Variants in DPY19L1 observed in about 807,000 individuals in gnomAD.
DPY19L1 encodes protein C-mannosyl-transferase DPY19L1.
A neutral mutation model predicts 96.9 loss-of-function variants in DPY19L1; 35 were observed. That is an observed-to-expected ratio of 0.36 (90% CI 0.28 to 0.48). The LOEUF is 0.48. DPY19L1 is among the 20% of genes least tolerant of loss of function. The pLI is 0.99. For missense variants in DPY19L1, 521 were observed against 777.9 expected, an observed-to-expected ratio of 0.67 and a Z score of 3.93; for synonymous variants, 205 against 252.6, an observed-to-expected ratio of 0.81 and a Z score of 1.79.
chr7:35,005,501 A>G (rs937708767), intron 6 of DPY19L1, among the ~76,000 whole-genome samples: 17 of 151,656 alleles, frequency 1.1e-4, no homozygotes, highest in Non-Finnish European at 2.5e-4. Flanking sequence ...GGGAAGTCCA[A>G]TTAAAAAGTT....
At chr7:35,007,209 T>A (rs1384609007) in intron 6 of DPY19L1, among the ~76,000 whole-genome samples, 6 of 152,284 alleles carry the variant, frequency 3.9e-5, no homozygotes, top group African/African-American at 1.4e-4. Flanking sequence ...ATAATATACA[T>A]CAGGATCAAT....
At chr7:34,960,120 A>G (rs1460515413) in intron 10 of DPY19L1, among the ~76,000 whole-genome samples, 3 of 151,352 alleles carry the variant, frequency 2.0e-5, no homozygotes. Flanking sequence ...AGGCACTAAA[A>G]ATAAAATAAT....
intron 6 of DPY19L1, among the ~76,000 whole-genome samples, chr7:35,005,629 T>G (rs1216327609): frequency 1.6e-5 from 2 of 123,232 alleles, no homozygotes; most frequent in African/African-American, 3.1e-5. Flanking sequence ...TAAAACCCTG[T>G]CTCTACTAAA....
chr7:34,997,112 G>C (rs931831287), intron 6 of DPY19L1, among the ~76,000 whole-genome samples: 1 of 152,160 alleles, frequency 6.6e-6, no homozygotes, highest in African/African-American at 2.4e-5. Context: ...AGTGTCATTT[G>C]CTGAGAGAGT....
In DPY19L1 at chr7:34,988,730, T is replaced by C. The variant is rs537281282; in HGVS notation, c.822+1154A>G. 1.6e-4 allele frequency among the ~76,000 whole-genome samples: 25 copies of C among 152,294 alleles called. No homozygotes were observed. The South Asian group carries it at 3.5e-3, about 21-fold the overall frequency. On this transcript the variant is annotated intron_variant, in intron 7 of 21. Transcript: ENST00000638088. ...CACAAAGCAAGCTGACCTTTATTCT[T>C]TTCTCCCTCATACAAAATTTATCAT...
intron 10 of DPY19L1, among the ~76,000 whole-genome samples, chr7:34,963,624 T>C (rs202123375): frequency 6.6e-5 from 10 of 152,010 alleles, no homozygotes; most frequent in East Asian, 1.9e-4. Flanking sequence ...TGTGTGTGTG[T>C]GCGTGTGTGC....
chr7:34,971,771 A>G (rs1356000400), intron 8 of DPY19L1, among the ~76,000 whole-genome samples: 1 of 152,196 alleles, frequency 6.6e-6, no homozygotes, highest in African/African-American at 2.4e-5. Flanking sequence ...ACCCAACAGA[A>G]GGCAGCTCTT....
At chr7:34,994,271 T>TCCCCC (rs1411549460) in intron 6 of DPY19L1, among the ~76,000 whole-genome samples, 5 of 152,110 alleles carry the variant, frequency 3.3e-5, no homozygotes, top group African/African-American at 1.2e-4. Context: ...ATACAGAGAT[T>TCCCCC]ACACATCATT....
chr7:34,996,901 G>A (rs1190316477), intron 6 of DPY19L1, among the ~76,000 whole-genome samples: 3 of 152,178 alleles, frequency 2.0e-5, no homozygotes, highest in African/African-American at 7.2e-5. Context: ...CAGCCTGGGA[G>A]CAAGACTGGT....
intron 6 of DPY19L1, among the ~76,000 whole-genome samples, chr7:35,006,265 A>C (rs180862558): frequency 1.3e-5 from 2 of 152,334 alleles, no homozygotes; most frequent in Non-Finnish European, 2.9e-5. Context: ...CTTCCTCAAC[A>C]ATGCACCATA....
intron 3 of DPY19L1, among the ~76,000 whole-genome samples, chr7:35,017,321 G>C (rs183318333): frequency 6.6e-6 from 1 of 150,950 alleles, no homozygotes; most frequent in Non-Finnish European, 1.5e-5. Context: ...GTGAAACCCC[G>C]TCTCTACTAA....
intron 7 of DPY19L1, among the ~76,000 whole-genome samples, chr7:34,987,224 A>T (rs1486028814): frequency 6.6e-6 from 1 of 152,052 alleles, no homozygotes; most frequent in East Asian, 1.9e-4. Flanking sequence ...AAAATTCTCA[A>T]TTGTGACTGA....
At chr7:35,037,777 G>T, upstream of DPY19L1, 1 of 1,172,986 alleles carries the variant, frequency 8.5e-7, no homozygotes, top group Non-Finnish European at 1.1e-6. Flanking sequence ...GACTTCCGGC[G>T]CAGGCGGGGC....
At chr7:35,033,629 C>G (rs1477635665) in intron 1 of DPY19L1, among the ~76,000 whole-genome samples, 1 of 152,070 alleles carries the variant, frequency 6.6e-6, no homozygotes, top group Non-Finnish European at 1.5e-5. Flanking sequence ...GATTCAAATG[C>G]AGGCCAGTGT....
chr7:35,009,716 T>C (rs1377108903), intron 6 of DPY19L1, among the ~76,000 whole-genome samples: 1 of 152,122 alleles, frequency 6.6e-6, no homozygotes, highest in African/African-American at 2.4e-5. Context: ...AAGACCCAAA[T>C]GCTCTAAGGT....
chr7:35,026,578 C>A (rs1372266352), intron 1 of DPY19L1, among the ~76,000 whole-genome samples: 1 of 152,146 alleles, frequency 6.6e-6, no homozygotes, highest in African/African-American at 2.4e-5. Context: ...TGACTTTATA[C>A]AGTCCAAACT....
At chr7:35,004,295 T>G (rs1370961053) in intron 6 of DPY19L1, among the ~76,000 whole-genome samples, 1 of 152,186 alleles carries the variant, frequency 6.6e-6, no homozygotes, top group Non-Finnish European at 1.5e-5. Context: ...TCTCTTCTTC[T>G]GGGAACTTTC....
upstream of DPY19L1, chr7:35,037,941 G>T (rs1287561723): frequency 8.2e-6 from 10 of 1,220,540 alleles, no homozygotes; most frequent in Non-Finnish European, 1.0e-5. Flanking sequence ...CGGGATCGGG[G>T]CGCTGATTCA....
chr7:35,029,726 A>AT (rs1383568542), intron 1 of DPY19L1, among the ~76,000 whole-genome samples: 1 of 152,240 alleles, frequency 6.6e-6, no homozygotes, highest in Non-Finnish European at 1.5e-5. Flanking sequence ...CCATAAAGAT[A>AT]TAAAAGAGTG....
Sources: allele counts gnomAD v4.1 joint callset (sites outside exome capture counted in the v4.1 genomes callset), GRCh38; gene constraint gnomAD v4.1.1; transcripts MANE v1.5; gene names NCBI Gene and HGNC (gene_info 2026-07-23, HGNC 2026-07-21).